DLGAP1: variants seen among roughly 807,000 people sequenced by gnomAD.
DLGAP1 encodes the protein DLG associated protein 1.
A neutral mutation model predicts 90.8 loss-of-function variants in DLGAP1; 11 were observed. That is an observed-to-expected ratio of 0.12 (90% confidence interval 0.08 to 0.20). The LOEUF (loss-of-function observed/expected upper bound fraction) is 0.20, where lower values mean the gene tolerates loss of function less well. DLGAP1 is among the 10% of genes least tolerant of loss of function. DLGAP1 has a pLI of 1.00. For synonymous variants in DLGAP1, 558 were observed against 540.7 expected (o/e 1.03, Z -0.44); for missense variants, 1,050 against 1,333.8 (o/e 0.79, Z 3.31).
chr18:4,450,685 T>G (rs555992385), intron 1 of DLGAP1, among the ~76,000 whole-genome samples: 1 of 152,232 alleles, frequency 6.6e-6, no homozygotes, highest in African/African-American at 2.4e-5. Flanking sequence ...CACTTTGTGG[T>G]TTGCTGTTGT....
At chr18:3,998,034 A>G (rs903332012) in intron 3 of DLGAP1, among the ~76,000 whole-genome samples, 1 of 152,076 alleles carries the variant, frequency 6.6e-6, no homozygotes, top group African/African-American at 2.4e-5. Flanking sequence ...GGTGGTGTGT[A>G]CCTCCATACA....
intron 2 of DLGAP1, among the ~76,000 whole-genome samples, chr18:4,039,087 T>A (rs2074935052): frequency 6.6e-6 from 1 of 152,086 alleles, no homozygotes. Flanking sequence ...ACCTTAGCCC[T>A]CAACCTCGAA....
chr18:4,365,133 A>G (rs2081733139), intron 1 of DLGAP1, among the ~76,000 whole-genome samples: 1 of 152,188 alleles, frequency 6.6e-6, no homozygotes, highest in Non-Finnish European at 1.5e-5. Flanking sequence ...TTCCTTGTGA[A>G]CAGCCTTTAT....
At chr18:4,371,966 C>A (rs192493273) in intron 1 of DLGAP1, among the ~76,000 whole-genome samples, 1 of 152,206 alleles carries the variant, frequency 6.6e-6, no homozygotes, top group Non-Finnish European at 1.5e-5. Context: ...AATATTAAGA[C>A]CAGGCTGCTG....
intron 7 of DLGAP1, among the ~76,000 whole-genome samples, chr18:3,587,833 A>G (rs1428855705): frequency 3.3e-5 from 5 of 152,214 alleles, no homozygotes; most frequent in East Asian, 1.9e-4. Context: ...CCGCGGCTTC[A>G]TTCTTGAAGT....
At chr18:3,637,443 G>A (rs2058757852) in intron 7 of DLGAP1, among the ~76,000 whole-genome samples, 1 of 151,742 alleles carries the variant, frequency 6.6e-6, no homozygotes, top group Admixed American at 6.6e-5. Context: ...TTTTAAAAAT[G>A]TTTTTCTAGG....
At chr18:3,551,627 CTT>C (rs1418840671) in intron 9 of DLGAP1, among the ~76,000 whole-genome samples, 1 of 74,130 alleles carries the variant, frequency 1.3e-5, no homozygotes, top group Admixed American at 1.8e-4. Flanking sequence ...CTTTTTCTTT[CTT>C]TCTTTCCTTC....
chr18:4,354,345 T>G (rs1390047553), intron 1 of DLGAP1, among the ~76,000 whole-genome samples: 1 of 152,026 alleles, frequency 6.6e-6, no homozygotes, highest in Non-Finnish European at 1.5e-5. Context: ...ATCTGACCTA[T>G]CTCCTTCCAG....
chr18:4,272,525 T>C (rs2079306258), intron 1 of DLGAP1, among the ~76,000 whole-genome samples: 1 of 152,194 alleles, frequency 6.6e-6, no homozygotes, highest in African/African-American at 2.4e-5. Context: ...GTTAAACTTG[T>C]CAAATAATAA....
At chr18:4,034,526 T>C (rs2074856884) in intron 2 of DLGAP1, among the ~76,000 whole-genome samples, 1 of 152,200 alleles carries the variant, frequency 6.6e-6, no homozygotes, top group Non-Finnish European at 1.5e-5. Flanking sequence ...AATATATAGT[T>C]GTCAATTTGG....
At chr18:3,646,965 ATCACCG>A (rs1195728576) in intron 7 of DLGAP1, among the ~76,000 whole-genome samples, 3 of 151,796 alleles carry the variant, frequency 2.0e-5, no homozygotes, top group African/African-American at 7.3e-5. Context: ...CTATTGTAAC[ATCACCG>A]GGTGCGGTGG....
At chr18:3,665,359 C>T (rs1306459536) in intron 7 of DLGAP1, among the ~76,000 whole-genome samples, 1 of 151,000 alleles carries the variant, frequency 6.6e-6, no homozygotes, top group East Asian at 2.0e-4. Context: ...AACCATTGCT[C>T]TCAGTATTAT....
intron 4 of DLGAP1, among the ~76,000 whole-genome samples, chr18:3,859,812 C>T (rs1000074767): frequency 3.3e-5 from 5 of 151,956 alleles, no homozygotes; most frequent in Admixed American, 1.3e-4. Flanking sequence ...AATAAATTTG[C>T]GTTGTGGGCC....
intron 5 of DLGAP1, among the ~76,000 whole-genome samples, chr18:3,798,238 C>T (rs566079331): frequency 7.9e-5 from 12 of 152,264 alleles, no homozygotes; most frequent in Admixed American, 3.9e-4. Context: ...GCCAGTGAAA[C>T]GCTTCCAACA....
intron 2 of DLGAP1, among the ~76,000 whole-genome samples, chr18:4,137,710 C>T (rs560195930): frequency 6.6e-6 from 1 of 152,226 alleles, no homozygotes; most frequent in South Asian, 2.1e-4. Context: ...CCGTAGATTG[C>T]TTTGGATAGT....
rs569178259 is a variant in DLGAP1, at chr18:4,083,928, G to T, written c.-159+67252C>A. 6.6e-5 allele frequency among the ~76,000 whole-genome samples: 10 copies of T among 152,226 alleles called. No individual in the cohort carries two copies. The South Asian group carries it at 1.9e-3, about 28-fold the overall frequency. ...CCTCTGCCTTATCTCTAGGACAGAG[G>T]GCTTTCTGTTTCCCGGGGTTCTTGC... On this transcript the variant is annotated intron_variant, in intron 2 of 12. Transcript: ENST00000315677.
chr18:3,888,114 A>AAAAAAAAAAACAAAAAAAAAC (rs2071368928), intron 3 of DLGAP1, among the ~76,000 whole-genome samples: 1 of 146,336 alleles, frequency 6.8e-6, no homozygotes, highest in African/African-American at 2.6e-5. Context: ...TCTCAAAAAA[A>AAAAAAAAAAACAAAAAAAAAC]AAAAAAAAAA....
intron 1 of DLGAP1, among the ~76,000 whole-genome samples, chr18:4,345,701 A>G (rs1031077359): frequency 1.3e-5 from 2 of 152,222 alleles, no homozygotes; most frequent in African/African-American, 4.8e-5. Context: ...ACATCAGCAT[A>G]TGCTTAGCTA....
intron 2 of DLGAP1, among the ~76,000 whole-genome samples, chr18:4,032,733 T>C (rs2074817004): frequency 6.7e-6 from 1 of 150,046 alleles, no homozygotes; most frequent in South Asian, 2.1e-4. Flanking sequence ...AGTAGGAAGG[T>C]TTCTGAGCCC....
Sources: gnomAD v4.1 joint callset for allele counts (sites outside exome capture counted in the v4.1 genomes callset) on GRCh38, gnomAD v4.1.1 for gene constraint, MANE v1.5 for transcripts, NCBI Gene and HGNC (gene_info 2026-07-23, HGNC 2026-07-21) for gene names.